Variants in SHBG observed in about 807,000 individuals in gnomAD.
The protein encoded by SHBG is sex hormone-binding globulin.
A neutral mutation model predicts 41.9 loss-of-function variants in SHBG; 37 were observed. The ratio of observed to expected loss-of-function variants is 0.88; its 90% CI spans 0.68 to 1.16. SHBG has a LOEUF of 1.16. SHBG is among the 50% of genes most tolerant of loss of function. The pLI, the probability that SHBG is intolerant of heterozygous loss-of-function variation, is 0.00. For synonymous variants in SHBG, 217 were observed against 205.8 expected (o/e 1.05, Z -0.47); for missense variants, 466 against 499.9 (o/e 0.93, Z 0.65).
At chr17:7,624,209 C>T (rs2072149812), upstream of SHBG, among the ~76,000 whole-genome samples, 1 of 151,450 alleles carries the variant, frequency 6.6e-6, no homozygotes, top group South Asian at 2.1e-4. Context: ...GCCTTGGCCT[C>T]CCAAAGTGTT....
chr17:7,631,437 A>G, intron 4 of SHBG, 76 bp downstream of exon 4: 8 of 1,581,814 alleles, frequency 5.1e-6, no homozygotes, highest in Non-Finnish European at 6.9e-6. Context: ...TGGGAATCTA[A>G]GTCCACACTT....
At chr17:7,627,855 T>G, upstream of SHBG, 2 of 654,280 alleles carry the variant, frequency 3.1e-6, no homozygotes, top group East Asian at 5.6e-5. The surrounding 1 kb of genome is among the most constrained non-coding windows in gnomAD (Gnocchi z 4.8). Context: ...TGTCCGGGCA[T>G]AGCCCCACCC....
At chr17:7,631,817 T>C (rs923700855) in intron 5 of SHBG, 62 bp from the exon 6 acceptor site, 5 of 1,613,084 alleles carry the variant, frequency 3.1e-6, no homozygotes, top group Non-Finnish European at 4.2e-6. Flanking sequence ...CCTCTACCAC[T>C]GGCCCCTTTC....
chr17:7,615,414 T>G (rs1030917312), intron 1 of SHBG, among the ~76,000 whole-genome samples: 1 of 152,240 alleles, frequency 6.6e-6, no homozygotes, highest in African/African-American at 2.4e-5. Context: ...TTTACCCTCT[T>G]CGCGTATGCA....
chr17:7,620,700 G>A (rs921955185), intron 1 of SHBG, among the ~76,000 whole-genome samples: 2 of 151,434 alleles, frequency 1.3e-5, no homozygotes, highest in Non-Finnish European at 1.5e-5. Flanking sequence ...GTGCAATCTC[G>A]GCTCTCTACA....
intron 1 of SHBG, among the ~76,000 whole-genome samples, chr17:7,618,768 A>G (rs1337059417): frequency 6.6e-6 from 1 of 152,214 alleles, no homozygotes; most frequent in Non-Finnish European, 1.5e-5. Flanking sequence ...CGTCAACACA[A>G]GAGAGAGGCA....
chr17:7,614,165 T>G, intron 1 of SHBG: 1 of 640,688 alleles, frequency 1.6e-6, no homozygotes. Context: ...GGTAAAGGGG[T>G]CTCTCCTGCG....
At chr17:7,626,269 A>G (rs969586217), upstream of SHBG, 2 of 648,606 alleles carry the variant, frequency 3.1e-6, no homozygotes, top group African/African-American at 3.7e-5. Flanking sequence ...TTTCACCCTC[A>G]ACAAGGAAGA....
upstream of SHBG, chr17:7,627,188 G>T: frequency 6.2e-7 from 1 of 1,614,130 alleles, no homozygotes; most frequent in South Asian, 1.1e-5. This position sits in a 1 kb window ranked among gnomAD's most constrained non-coding sequence, Gnocchi z 4.8. Flanking sequence ...ACCAAACAGT[G>T]ATAGAAAGGA....
intron 1 of SHBG, among the ~76,000 whole-genome samples, chr17:7,617,838 C>T (rs547194752): frequency 9.1e-4 from 139 of 152,274 alleles, no homozygotes; most frequent in Non-Finnish European, 1.7e-3. Context: ...AATCCTGGCA[C>T]TTTGCGAGGC....
intron 1 of SHBG, among the ~76,000 whole-genome samples, chr17:7,619,799 CT>C (rs953306703): frequency 6.6e-6 from 1 of 151,956 alleles, no homozygotes; most frequent in African/African-American, 2.4e-5. Flanking sequence ...TAGTGCTTCT[CT>C]TTTTTTAACC....
At chr17:7,633,087 G>A in intron 7 of SHBG, 117 bp from the exon 8 acceptor site, 4 of 1,409,376 alleles carry the variant, frequency 2.8e-6, no homozygotes, top group Non-Finnish European at 4.0e-6. Context: ...AGATATGGGG[G>A]CAGTGGAAGG....
rs2072397614 is a variant in SHBG, at chr17:7,631,202, G to A, written c.396G>A (p.Val132=). ...PRLDDGRWHQ[V]EVKMEGDSVL... is the part of the protein sequence containing the mutation. ...TTTTGCTTCCCACCTTCCTGCAGGT[G>A]GAAGTCAAGATGGAGGGGGACTCTG... Residue 132 remains valine, a splice_region_variant and synonymous_variant, in exon 4 of 8, where the codon GTG becomes GTA. Transcript: ENST00000380450. 1.9e-6 allele frequency: 3 copies of A among 1,554,324 alleles called. No individual in the cohort carries two copies. The highest frequency in any genetic ancestry group is 2.6e-6 in the Non-Finnish European group (3 of 1,148,814).
At chr17:7,627,572 G>A, upstream of SHBG, 1 of 1,609,870 alleles carries the variant, frequency 6.2e-7, no homozygotes, top group East Asian at 2.2e-5. This position sits in a 1 kb window ranked among gnomAD's most constrained non-coding sequence, Gnocchi z 4.8. Context: ...GTCTTCACCC[G>A]AATCAGCCTC....
intron 1 of SHBG, among the ~76,000 whole-genome samples, chr17:7,615,737 G>A (rs2071971496): frequency 6.7e-6 from 1 of 149,938 alleles, no homozygotes; most frequent in Non-Finnish European, 1.5e-5. Flanking sequence ...GGGAGGCTGA[G>A]GCAGGAGACT....
intron 1 of SHBG, among the ~76,000 whole-genome samples, chr17:7,620,328 G>T (rs2072068375): frequency 2.0e-5 from 3 of 151,930 alleles, no homozygotes. Flanking sequence ...TTGTTTGTTT[G>T]TTTTTTGAGA....
chr17:7,630,409 C>A lies in SHBG; in HGVS notation c.112-7C>A. ...ACTCAGCTTTGTTTGTTTTCTCTTT[C>A]TGATAGAGTGCCCACGACCCTCCGG... On this transcript the variant is annotated splice_polypyrimidine_tract_variant and splice_region_variant and intron_variant, in intron 1 of 7. Coordinates refer to ENST00000380450, the MANE Select transcript of SHBG (RefSeq NM_001040.5). This position sits in a 1 kb window ranked among gnomAD's most constrained non-coding sequence, Gnocchi z 4.6. The A allele has an allele frequency of 6.2e-7, 1 of 1,613,552 alleles. No homozygotes were observed. Among genetic ancestry groups the A allele is most frequent in the Non-Finnish European group, 8.5e-7 (1 of 1,179,508 alleles).
chr17:7,630,482 A>T lies in SHBG; in HGVS notation c.178A>T (p.Thr60Ser), dbSNP rs2150967525. 1.2e-6 allele frequency: 2 copies of T among 1,614,016 alleles called. No individual in the cohort carries two copies. Among genetic ancestry groups the T allele is most frequent in the Non-Finnish European group, 1.7e-6 (2 of 1,179,980 alleles). Residue 60 changes from threonine to serine, a missense_variant, in exon 2 of 8, where the codon ACC (threonine) becomes TCC (serine). Transcript: ENST00000380450. The surrounding 1 kb of genome is among the most constrained non-coding windows in gnomAD (Gnocchi z 4.6). Reference sequence around the variant, plus strand: ...AGGACAAGAGCCTATCGCTGTCATGACCTTTGACCTCACCAAGATCACAAA... The same window carrying T: ...AGGACAAGAGCCTATCGCTGTCATGTCCTTTGACCTCACCAAGATCACAAA... ...GPGQEPIAVM[T>S]FDLTKITKTS...
At chr17:7,627,835 G>A (rs1224692961), upstream of SHBG, 25 of 670,010 alleles carry the variant, frequency 3.7e-5, no homozygotes, top group South Asian at 4.2e-4. The surrounding 1 kb of genome is among the most constrained non-coding windows in gnomAD (Gnocchi z 4.8). Context: ...AGGCCAGCGA[G>A]GCGATCCTCT....
Sources: gnomAD v4.1 joint callset for allele counts (sites outside exome capture counted in the v4.1 genomes callset) on GRCh38, gnomAD v4.1.1 for gene constraint, Gnocchi (gnomAD v3.1) non-coding constraint, MANE v1.5 for transcripts, NCBI Gene and HGNC (gene_info 2026-07-23, HGNC 2026-07-21) for gene names.